Variants in BAIAP2L1 observed in about 807,000 individuals in gnomAD.
The protein encoded by BAIAP2L1 is BAR/IMD domain-containing adapter protein 2-like 1.
A neutral mutation model predicts 66.3 loss-of-function variants in BAIAP2L1; 35 were observed. That is an observed-to-expected ratio of 0.53 (90% CI 0.40 to 0.70). The LOEUF (loss-of-function observed/expected upper bound fraction) is 0.70. BAIAP2L1 is among the 30% of genes least tolerant of loss of function. The pLI, the probability that BAIAP2L1 is intolerant of heterozygous loss-of-function variation, is 0.00. For missense variants in BAIAP2L1, 622 were observed against 656.9 expected, an observed-to-expected ratio of 0.95 and a Z score of 0.58; for synonymous variants, 269 against 248.7, an observed-to-expected ratio of 1.08 and a Z score of -0.77.
intron 13 of BAIAP2L1, among the ~76,000 whole-genome samples, 181 bp downstream of exon 13, chr7:98,293,893 C>T (rs1468838678): frequency 6.6e-6 from 1 of 152,218 alleles, no homozygotes; most frequent in African/African-American, 2.4e-5. Flanking sequence ...GGAAGCCCTG[C>T]TCCCAGCGTG....
rs116159134 is a variant in BAIAP2L1, at chr7:98,367,981, G to A, written c.52-5549C>T. 8.1e-3 allele frequency among the ~76,000 whole-genome samples: 1,231 copies of A among 152,100 alleles called. 16 individuals are homozygous for A. The highest frequency in any genetic ancestry group is 0.028 in the African/African-American group (1,159 of 41,494). On this transcript the variant is annotated intron_variant, in intron 1 of 13. Coordinates refer to ENST00000005260, the MANE Select transcript of BAIAP2L1 (RefSeq NM_018842.5). Reference sequence around the variant, plus strand: ...CATGTAGGTTGCCACGACCATCACCGCAAGTAAAATACGGAACTGTTCCAC... The same window carrying A: ...CATGTAGGTTGCCACGACCATCACCACAAGTAAAATACGGAACTGTTCCAC...
chr7:98,308,850 A>T (rs1245578798), intron 9 of BAIAP2L1: 1 of 152,878 alleles, frequency 6.5e-6, no homozygotes, highest in African/African-American at 2.4e-5. Flanking sequence ...GTTCATTTTT[A>T]AATTTTTTTG....
intron 12 of BAIAP2L1, among the ~76,000 whole-genome samples, chr7:98,296,944 C>T (rs995296038): frequency 2.0e-5 from 3 of 152,238 alleles, no homozygotes; most frequent in Admixed American, 1.3e-4. Flanking sequence ...GAACATAGAC[C>T]TGCCCTCCTC....
chr7:98,393,901 C>T (rs1258809116), intron 1 of BAIAP2L1, among the ~76,000 whole-genome samples: 66 of 148,374 alleles, frequency 4.4e-4, no homozygotes, highest in South Asian at 8.6e-4. Flanking sequence ...GTCGGGAGTT[C>T]GAGACCAGCC....
rs1259112239 is a variant in BAIAP2L1, at chr7:98,293,507, C to A, written c.*14G>T. 11 of 1,610,768 alleles carry A rather than the reference C, an allele frequency of 6.8e-6. No individual in the cohort carries two copies. The highest frequency in any genetic ancestry group is 8.5e-7 in the Non-Finnish European group (1 of 1,177,910). The stretch of plus-strand genomic sequence containing the variant: ...GAGAACCGGAGAGGCCCGGGAGAGT[C>A]CTTGGCTGTCCTCTCATCGAATGAT... On this transcript the variant is annotated 3_prime_UTR_variant, in exon 14 of 14. Coordinates refer to ENST00000005260, the MANE Select transcript of BAIAP2L1 (RefSeq NM_018842.5).
intron 2 of BAIAP2L1, among the ~76,000 whole-genome samples, chr7:98,357,118 T>C (rs12704986): frequency 0.79 from 96,366 of 122,444 alleles, 38,133 homozygotes; most frequent in Middle Eastern, 0.83. Context: ...AACTCCTGGG[T>C]TCAAGGGATC....
chr7:98,399,672 T>C (rs1388991782), intron 1 of BAIAP2L1, among the ~76,000 whole-genome samples: 2 of 152,228 alleles, frequency 1.3e-5, no homozygotes, highest in Non-Finnish European at 2.9e-5. Context: ...GTTCTATTAA[T>C]AGCAGATGAT....
Position 98,304,192 on chromosome 7 carries a change from T to C in BAIAP2L1, c.1422+4A>G. On this transcript the variant is annotated splice_donor_region_variant and intron_variant, in intron 12 of 13. Coordinates refer to ENST00000005260, the MANE Select transcript of BAIAP2L1 (RefSeq NM_018842.5). ...CCAGGACGCCCTGCTGCGGCTTTAC[T>C]CACAGGAGCCGCGGTCTCGGGCTTG... The C allele has an allele frequency of 6.3e-7, 1 of 1,579,062 alleles. No individual in the cohort carries two copies. The highest frequency in any genetic ancestry group is 8.6e-7 in the Non-Finnish European group (1 of 1,162,036).
intron 2 of BAIAP2L1, among the ~76,000 whole-genome samples, chr7:98,356,909 T>C (rs1289992177): frequency 2.2e-5 from 3 of 137,758 alleles, no homozygotes; most frequent in Non-Finnish European, 4.6e-5. Context: ...GGTGGGAGAA[T>C]TGCGTGAGCC....
chr7:98,346,704 T>G (rs1801878694), intron 3 of BAIAP2L1, among the ~76,000 whole-genome samples: 1 of 152,180 alleles, frequency 6.6e-6, no homozygotes, highest in Admixed American at 6.6e-5. Flanking sequence ...CTGCGTTGCC[T>G]CCTTGTCTCC....
intron 3 of BAIAP2L1, among the ~76,000 whole-genome samples, chr7:98,349,980 T>C (rs1366465443): frequency 1.3e-5 from 2 of 151,700 alleles, no homozygotes; most frequent in Non-Finnish European, 2.9e-5. Context: ...TCGCCAGGCA[T>C]GGTGGTGTAT....
intron 1 of BAIAP2L1, among the ~76,000 whole-genome samples, chr7:98,394,937 C>T (rs1803164523): frequency 1.3e-5 from 2 of 151,958 alleles, no homozygotes; most frequent in Admixed American, 1.3e-4. Flanking sequence ...CATGGTGAAA[C>T]CCTGTCTCCA....
chr7:98,302,619 C>A (rs972755291), intron 12 of BAIAP2L1, among the ~76,000 whole-genome samples: 1 of 152,154 alleles, frequency 6.6e-6, no homozygotes, highest in Non-Finnish European at 1.5e-5. Flanking sequence ...ACAGCAAAAT[C>A]CAGATGGGGG....
chr7:98,384,816 A>T (rs1456999844), intron 1 of BAIAP2L1, among the ~76,000 whole-genome samples: 1 of 149,354 alleles, frequency 6.7e-6, no homozygotes, highest in Non-Finnish European at 1.5e-5. Flanking sequence ...CTCCTGCCTC[A>T]GCCTCCCAAG....
At chr7:98,321,249 G>A (rs899655159) in intron 3 of BAIAP2L1, among the ~76,000 whole-genome samples, 4 of 152,060 alleles carry the variant, frequency 2.6e-5, no homozygotes, top group Admixed American at 1.3e-4. Context: ...TGATTACTTC[G>A]GTCATCACAG....
chr7:98,379,122 G>T (rs1035868045), intron 1 of BAIAP2L1, among the ~76,000 whole-genome samples: 1 of 151,896 alleles, frequency 6.6e-6, no homozygotes, highest in Non-Finnish European at 1.5e-5. Flanking sequence ...CAGGCGATCC[G>T]CCCGCTTCAG....
chr7:98,337,153 C>A (rs545053877), intron 3 of BAIAP2L1, among the ~76,000 whole-genome samples: 2 of 152,188 alleles, frequency 1.3e-5, no homozygotes, highest in African/African-American at 2.4e-5. Context: ...AGGCAGCGCA[C>A]GTGGGAAGTG....
chr7:98,373,278 A>T (rs1018806469), intron 1 of BAIAP2L1, among the ~76,000 whole-genome samples: 1 of 152,182 alleles, frequency 6.6e-6, no homozygotes, highest in African/African-American at 2.4e-5. Context: ...AAATTAGACA[A>T]CTGAGATGTT....
chr7:98,314,220 T>A (rs1331541662), intron 7 of BAIAP2L1, among the ~76,000 whole-genome samples: 2 of 152,022 alleles, frequency 1.3e-5, no homozygotes, highest in African/African-American at 2.4e-5. Flanking sequence ...TGACCTCAAG[T>A]GATTCACCCA....
Sources: gnomAD v4.1 joint callset for allele counts (sites outside exome capture counted in the v4.1 genomes callset) on GRCh38, gnomAD v4.1.1 for gene constraint, MANE v1.5 for transcripts, NCBI Gene and HGNC (gene_info 2026-07-23, HGNC 2026-07-21) for gene names.